GPC4: variants seen among roughly 807,000 people sequenced by gnomAD.
The protein encoded by GPC4 is glypican-4.
GPC4 carries 10 observed loss-of-function variants against 35.0 expected under a neutral mutation model. That is an observed-to-expected ratio of 0.29 (90% CI 0.18 to 0.48). The LOEUF is 0.48. GPC4 is among the 20% of genes least tolerant of loss of function. The probability of loss-of-function intolerance (pLI) is 0.99; values close to 1 mark genes in which losing one functional copy is unlikely to be tolerated. For missense variants in GPC4, 322 were observed against 451.3 expected (o/e 0.71, Z 2.60); for synonymous variants, 167 against 170.2 (o/e 0.98, Z 0.15).
rs753388823 is a variant in GPC4 at position 133,301,744 on chromosome X, T to C, written c.*1123A>G. The C allele has an allele frequency of 1.8e-5, 2 of 112,016 alleles. No homozygotes were observed. The highest frequency in any genetic ancestry group is 3.8e-5 in the Non-Finnish European group (2 of 53,222). 9.2% of individuals were successfully genotyped at this position (112,016 alleles called of 1,213,427 possible). A position where few individuals can be genotyped will look rare whatever the true frequency, so the allele number is the denominator to read the frequency against. ...TCAAATGAGACACCTTATACTCTCT[T>C]AAAACAAAAACTGGGATCCCAAAAC... On this transcript the variant is annotated 3_prime_UTR_variant, in exon 9 of 9. Transcript: ENST00000370828.
intron 1 of GPC4, among the ~76,000 whole-genome samples, chrX:133,371,275 C>A (rs2068611408): frequency 8.9e-6 from 1 of 112,449 alleles, no homozygotes; most frequent in Non-Finnish European, 1.9e-5. Context: ...GCCTCAAAAT[C>A]TCTTCCCAGA....
chrX:133,338,285 T>C (rs2124132482), intron 2 of GPC4, among the ~76,000 whole-genome samples: 1 of 111,602 alleles, frequency 9.0e-6, no homozygotes, highest in African/African-American at 3.2e-5. Flanking sequence ...CCACACATAA[T>C]GTCAAGAAAA....
At chrX:133,335,331 C>G (rs1258518467) in intron 2 of GPC4, among the ~76,000 whole-genome samples, 1 of 110,931 alleles carries the variant, frequency 9.0e-6, no homozygotes, top group Non-Finnish European at 1.9e-5. Context: ...AAAATGATAG[C>G]ATAGAAAAAC....
At chrX:133,398,626 G>A (rs2068754979) in intron 1 of GPC4, among the ~76,000 whole-genome samples, 1 of 110,724 alleles carries the variant, frequency 9.0e-6, no homozygotes, top group Admixed American at 9.7e-5. Context: ...AAATTAGCCA[G>A]GTGTGGTGGC....
At chrX:133,402,909 GAAAAAAAA>G (rs11310772) in intron 1 of GPC4, among the ~76,000 whole-genome samples, 1 of 67,107 alleles carries the variant, frequency 1.5e-5, no homozygotes, top group African/African-American at 5.1e-5. Context: ...GTCTCAAAAG[GAAAAAAAA>G]AAAAAAAAAA....
At chrX:133,366,342 T>C (rs2068589994) in intron 1 of GPC4, among the ~76,000 whole-genome samples, 1 of 111,948 alleles carries the variant, frequency 8.9e-6, no homozygotes, top group African/African-American at 3.2e-5. Context: ...TTCTGCACAC[T>C]GAATACTGTC....
intron 2 of GPC4, among the ~76,000 whole-genome samples, chrX:133,335,333 T>C (rs774255468): frequency 9.9e-5 from 11 of 111,131 alleles, no homozygotes; most frequent in Admixed American, 1.9e-4. Flanking sequence ...AATGATAGCA[T>C]AGAAAAACAC....
rs1175944108 is a variant in GPC4 at position 133,302,836 on chromosome X, T to C, written c.*31A>G. ...GTGATAACTGGTGCCTTTTAACTTT[T>C]TGATGAACACTTTTTCTCAGAGTTT... On this transcript the variant is annotated 3_prime_UTR_variant, in exon 9 of 9. Transcript: ENST00000370828. The C allele has an allele frequency of 2.5e-6, 3 of 1,192,944 alleles. No individual in the cohort carries two copies. Among genetic ancestry groups the C allele is most frequent in the South Asian group, 1.8e-5 (1 of 55,850 alleles).
intron 1 of GPC4, among the ~76,000 whole-genome samples, chrX:133,386,234 CAA>C (rs1297804504): frequency 0.031 from 1,122 of 36,069 alleles, 26 homozygotes; most frequent in African/African-American, 0.084. Flanking sequence ...GACCCTGTCT[CAA>C]AAAAAAAAAA....
intron 1 of GPC4, among the ~76,000 whole-genome samples, chrX:133,370,239 C>T (rs996686377): frequency 9.0e-6 from 1 of 111,595 alleles, no homozygotes; most frequent in African/African-American, 3.3e-5. Flanking sequence ...AATCTGTCCC[C>T]AAAATTTTCT....
At chrX:133,356,588 G>A (rs2068542694) in intron 1 of GPC4, among the ~76,000 whole-genome samples, 1 of 111,002 alleles carries the variant, frequency 9.0e-6, no homozygotes, top group Admixed American at 9.6e-5. Context: ...TTGGCAAAGA[G>A]CTTGGCACCT....
rs762064531 is a variant in GPC4, at chrX:133,414,906, C to A, written c.60G>T (p.Leu20=). ...TTTTCGACTTGAGCTCGGCAGCCAGCAGCGCGGCGCTGAGCACTGCCAGGG... is the reference window on the plus strand; with the variant it reads ...TTTTCGACTTGAGCTCGGCAGCCAGAAGCGCGGCGCTGAGCACTGCCAGGG... ...LCTLAVLSAA[L]LAAELKSKSC... is the part of the protein sequence containing the mutation. The change falls in exon 1 of 9, where the codon CTG becomes CTT. Residue 20 remains leucine (L), a synonymous_variant. Coordinates refer to ENST00000370828, the MANE Select transcript of GPC4 (RefSeq NM_001448.3). The A allele has an allele frequency of 1.7e-6, 2 of 1,211,936 alleles. No homozygotes were observed. Among genetic ancestry groups the A allele is most frequent in the Non-Finnish European group, 2.2e-6 (2 of 895,451 alleles).
intron 1 of GPC4, among the ~76,000 whole-genome samples, chrX:133,404,385 A>G (rs909159858): frequency 9.3e-6 from 1 of 107,652 alleles, no homozygotes; most frequent in African/African-American, 3.4e-5. Flanking sequence ...GTCTCTACTA[A>G]AAAATACAAA....
Position 133,415,116 on chromosome X carries a change from G to A in GPC4, c.-151C>T. The A allele has an allele frequency of 1.9e-6, 1 of 538,116 alleles. No homozygotes were observed. Among genetic ancestry groups the A allele is most frequent in the South Asian group, 3.3e-5 (1 of 30,668 alleles). 44.3% of individuals were successfully genotyped at this position (538,116 alleles called of 1,213,427 possible). The stretch of plus-strand genomic sequence containing the variant: ...TTGGTGGAAGAGGCGAGCAGGCGGA[G>A]GAGACGCGGGGCGAAAAGTAGAGCT... On this transcript the variant is annotated 5_prime_UTR_variant, in exon 1 of 9. Transcript: ENST00000370828.
At chrX:133,372,782 G>T (rs1372133095) in intron 1 of GPC4, among the ~76,000 whole-genome samples, 1 of 112,286 alleles carries the variant, frequency 8.9e-6, no homozygotes, top group East Asian at 2.8e-4. Flanking sequence ...CTGCTCCTTA[G>T]TGTGTGGCTT....
chrX:133,307,906 C>T (rs2068297681), intron 4 of GPC4, among the ~76,000 whole-genome samples: 1 of 111,766 alleles, frequency 8.9e-6, no homozygotes, highest in Non-Finnish European at 1.9e-5. Flanking sequence ...AAACATAAAC[C>T]CCAATTCTTC....
At chrX:133,414,046 A>C (rs1176095479) in intron 1 of GPC4, among the ~76,000 whole-genome samples, 1 of 111,398 alleles carries the variant, frequency 9.0e-6, no homozygotes, top group Non-Finnish European at 1.9e-5. Context: ...TTGAAAGTGC[A>C]ATTAACCCTT....
intron 1 of GPC4, among the ~76,000 whole-genome samples, chrX:133,354,458 G>C (rs1045777391): frequency 3.6e-5 from 4 of 112,107 alleles, no homozygotes; most frequent in African/African-American, 1.3e-4. Context: ...AAAAGTATCA[G>C]TACCAGAAGT....
At chrX:133,308,369 A>G (rs1251310153) in intron 4 of GPC4, among the ~76,000 whole-genome samples, 2 of 112,209 alleles carry the variant, frequency 1.8e-5, no homozygotes. Flanking sequence ...CCTGAGTCAA[A>G]TGAGTGTTAA....
Sources: gnomAD v4.1 joint callset for allele counts (sites outside exome capture counted in the v4.1 genomes callset) on GRCh38, gnomAD v4.1.1 for gene constraint, MANE v1.5 for transcripts, NCBI Gene and HGNC (gene_info 2026-07-23, HGNC 2026-07-21) for gene names.